GID8: variants seen among roughly 807,000 people sequenced by gnomAD.
GID8 encodes GID complex subunit 8 homolog.
In GID8, 6 loss-of-function variants were observed where a neutral mutation model predicts 27.4. The observed-to-expected ratio is 0.22, with a 90% CI of 0.12 to 0.43. The LOEUF is 0.43. Among genes scored for constraint, GID8 ranks in the 20% least tolerant of loss-of-function variants. The pLI is 1.00. For missense variants in GID8, 173 were observed against 287.6 expected (o/e 0.60, Z 2.88); for synonymous variants, 112 against 109.0 (o/e 1.03, Z -0.17).
At chr20:62,940,104 C>A (rs1334718186) in intron 1 of GID8, among the ~76,000 whole-genome samples, 2 of 151,890 alleles carry the variant, frequency 1.3e-5, no homozygotes, top group Non-Finnish European at 2.9e-5. Flanking sequence ...AAGCACATGT[C>A]ATGTATTTTG....
Position 62,945,049 on chromosome 20 carries a change from T to C in GID8, c.*137T>C. The C allele has an allele frequency of 7.0e-7, 1 of 1,430,648 alleles. No individual in the cohort carries two copies. 88.6% of individuals were successfully genotyped at this position (1,430,648 alleles called of 1,614,324 possible). A position where few individuals can be genotyped will look rare whatever the true frequency, so the allele number is the denominator to read the frequency against. On this transcript the variant is annotated 3_prime_UTR_variant, in exon 5 of 5. Transcript: ENST00000266069. ...GTACTTTTTTTTGACCTGGCATCTTTTTATAGGGAAAAATGGCCTTTGTAG... is the reference window on the plus strand; with the variant it reads ...GTACTTTTTTTTGACCTGGCATCTTCTTATAGGGAAAAATGGCCTTTGTAG...
rs897004297 is a variant in GID8, at chr20:62,944,996, C to A, written c.*84C>A. On this transcript the variant is annotated 3_prime_UTR_variant, in exon 5 of 5. Transcript: ENST00000266069. The stretch of plus-strand genomic sequence containing the variant: ...TCAGCCTGCGACTGCAAGATTCTTA[C>A]TGCAGTAGAGAACTCTTTTTCTCCC... 14 of 1,490,188 alleles carry A rather than the reference C, an allele frequency of 9.4e-6. No homozygotes were observed. The highest frequency in any genetic ancestry group is 7.6e-5 in the Admixed American group (3 of 39,612). The allele number at this position is 1,490,188 out of a possible 1,614,324, so 92.3% of individuals were successfully genotyped here. A position where few individuals can be genotyped will look rare whatever the true frequency, so the allele number is the denominator to read the frequency against.
rs897004297 is a variant in GID8 at position 62,944,996 on chromosome 20, C to T, written c.*84C>T. The T allele has an allele frequency of 6.7e-7, 1 of 1,490,188 alleles. No homozygotes were observed. The highest frequency in any genetic ancestry group is 2.5e-5 in the East Asian group (1 of 40,516). The allele number at this position is 1,490,188 out of a possible 1,614,324, so 92.3% of individuals were successfully genotyped here. ...TCAGCCTGCGACTGCAAGATTCTTACTGCAGTAGAGAACTCTTTTTCTCCC... is the reference window on the plus strand; with the variant it reads ...TCAGCCTGCGACTGCAAGATTCTTATTGCAGTAGAGAACTCTTTTTCTCCC... On this transcript the variant is annotated 3_prime_UTR_variant, in exon 5 of 5. Transcript: ENST00000266069.
At chr20:62,942,945 C>T (rs751237304) in intron 2 of GID8, 42 bp from the exon 3 acceptor site, 3 of 1,495,194 alleles carry the variant, frequency 2.0e-6, no homozygotes, top group Non-Finnish European at 1.9e-6. Flanking sequence ...GCCTTAATTC[C>T]TTGCTAACTT....
At position 62,947,634 on chromosome 20, in the gene GID8, C is replaced by T. The variant is rs2065471912; in HGVS notation, c.*2722C>T. Reference sequence around the variant, plus strand: ...AGGGTTATTGCAAGGCAAATGGGAACTAACACATCTTGCCATTTGAATCAG... The same window carrying T: ...AGGGTTATTGCAAGGCAAATGGGAATTAACACATCTTGCCATTTGAATCAG... On this transcript the variant is annotated 3_prime_UTR_variant, in exon 5 of 5. Coordinates refer to ENST00000266069, the MANE Select transcript of GID8 (RefSeq NM_017896.3). 1 of 152,538 alleles carries T rather than the reference C, an allele frequency of 6.6e-6. No homozygotes were observed. Among genetic ancestry groups the T allele is most frequent in the African/African-American group, 2.4e-5 (1 of 41,452 alleles). The allele number at this position is 152,538 out of a possible 1,614,324, so 9.4% of individuals were successfully genotyped here. A position where few individuals can be genotyped will look rare whatever the true frequency, so the allele number is the denominator to read the frequency against.
rs949410758 is a variant in GID8 at position 62,943,889 on chromosome 20, G to C, written c.513+197G>C. Reference sequence around the variant, plus strand: ...CTTGTTCTGTCGCCCAGGCTGGAGTGCAGTGACGAGATCTCTGCTCACTGC... The same window carrying C: ...CTTGTTCTGTCGCCCAGGCTGGAGTCCAGTGACGAGATCTCTGCTCACTGC... On this transcript the variant is annotated intron_variant, in intron 4 of 4. Transcript: ENST00000266069. The surrounding 1 kb of genome is among the most constrained non-coding windows in gnomAD (Gnocchi z 4.7). Among the ~76,000 whole-genome samples, 1 of 148,128 alleles carries C rather than the reference G, an allele frequency of 6.8e-6. No individual in the cohort carries two copies. The highest frequency in any genetic ancestry group is 1.5e-5 in the Non-Finnish European group (1 of 67,384).
chr20:62,939,046 A>G (rs1026732577), intron 1 of GID8, among the ~76,000 whole-genome samples: 9 of 151,976 alleles, frequency 5.9e-5, no homozygotes, highest in Non-Finnish European at 1.3e-4. Flanking sequence ...TGAGCCCAGG[A>G]GGTCGAGGCT....
At position 62,943,945 on chromosome 20, in the gene GID8, C is replaced by T. The variant is rs552231487; in HGVS notation, c.513+253C>T. Among the ~76,000 whole-genome samples the T allele has an allele frequency of 6.6e-6, 1 of 151,504 alleles. No individual in the cohort carries two copies. Among genetic ancestry groups the T allele is most frequent in the South Asian group, 2.1e-4 (1 of 4,806 alleles). On this transcript the variant is annotated intron_variant, in intron 4 of 4. Coordinates refer to ENST00000266069, the MANE Select transcript of GID8 (RefSeq NM_017896.3). The surrounding 1 kb of genome is among the most constrained non-coding windows in gnomAD (Gnocchi z 4.7). ...CCGCCTCCTGTGTTCAAGCGATTCT[C>T]CTGCCTCTGCCTCCCAAGTAGCTGG...
intron 2 of GID8, among the ~76,000 whole-genome samples, chr20:62,942,710 A>G (rs567899568): frequency 1.6e-4 from 25 of 152,328 alleles, no homozygotes; most frequent in African/African-American, 6.0e-4. Context: ...AGGAGCCCAC[A>G]CCAACACACT....
chr20:62,941,416 A>G (rs2065443171), intron 1 of GID8, 75 bp from the exon 2 acceptor site: 5 of 807,640 alleles, frequency 6.2e-6, no homozygotes, highest in Non-Finnish European at 1.1e-5. Context: ...TCCGGCTCAC[A>G]GCTCTTCCAG....
At chr20:62,944,050 G>A (rs113612639) in intron 4 of GID8, among the ~76,000 whole-genome samples, 4 of 152,098 alleles carry the variant, frequency 2.6e-5, no homozygotes, top group African/African-American at 9.7e-5. Context: ...TGGCCAGGCT[G>A]GTCTTGAACC....
rs937973755 is a variant in GID8, at chr20:62,943,238, T to C, written c.315+55T>C. On this transcript the variant is annotated intron_variant, in intron 3 of 4. Coordinates refer to ENST00000266069, the MANE Select transcript of GID8 (RefSeq NM_017896.3). This position sits in a 1 kb window ranked among gnomAD's most constrained non-coding sequence, Gnocchi z 4.7. ...GTGAATACTTGATAAGTTAAAGTTA[T>C]TTGCAATGATTGAGAAATAACTAGG... 6 of 1,295,404 alleles carry C rather than the reference T, an allele frequency of 4.6e-6. No individual in the cohort carries two copies. The highest frequency in any genetic ancestry group is 4.1e-5 in the Admixed American group (2 of 48,854). The allele number at this position is 1,295,404 out of a possible 1,614,324, so 80.2% of individuals were successfully genotyped here.
rs1397490887 is a variant in GID8 at position 62,946,869 on chromosome 20, T to C, written c.*1957T>C. The C allele has an allele frequency of 1.3e-5, 2 of 152,234 alleles. No homozygotes were observed. Among genetic ancestry groups the C allele is most frequent in the Admixed American group, 6.5e-5 (1 of 15,284 alleles). The allele number at this position is 152,234 out of a possible 1,614,324, so 9.4% of individuals were successfully genotyped here. On this transcript the variant is annotated 3_prime_UTR_variant, in exon 5 of 5. Transcript: ENST00000266069. ...CAACAGCACCAGGTGATTCAGCATA[T>C]TCCTAATTACCTTTCACTATTCGTG...
In GID8 at chr20:62,945,803, G is replaced by A; in HGVS notation, c.*891G>A. 7.8e-7 allele frequency: 1 copy of A among 1,285,958 alleles called. No homozygotes were observed. Among genetic ancestry groups the A allele is most frequent in the South Asian group, 1.2e-5 (1 of 80,676 alleles). 79.7% of individuals were successfully genotyped at this position (1,285,958 alleles called of 1,614,324 possible). A position where few individuals can be genotyped will look rare whatever the true frequency, so the allele number is the denominator to read the frequency against. ...CCTTCATTAGAGCGAGGCAGCCCTT[G>A]GCCGGTGGGGACGCAGAGCCCCAGC... On this transcript the variant is annotated 3_prime_UTR_variant, in exon 5 of 5. Coordinates refer to ENST00000266069, the MANE Select transcript of GID8 (RefSeq NM_017896.3).
chr20:62,938,552 G>T (rs1028062863), intron 1 of GID8: 7 of 152,242 alleles, frequency 4.6e-5, no homozygotes, highest in Non-Finnish European at 1.0e-4. Context: ...GTGGAGGAGC[G>T]ACGTCCGTAA....
rs1345275594 is a variant in GID8, at chr20:62,948,330, G to C, written c.*3418G>C. The C allele has an allele frequency of 6.6e-6, 1 of 152,220 alleles. No individual in the cohort carries two copies. Among genetic ancestry groups the C allele is most frequent in the Non-Finnish European group, 1.5e-5 (1 of 68,048 alleles). The allele number at this position is 152,220 out of a possible 1,614,324, so 9.4% of individuals were successfully genotyped here. A position where few individuals can be genotyped will look rare whatever the true frequency, so the allele number is the denominator to read the frequency against. On this transcript the variant is annotated 3_prime_UTR_variant, in exon 5 of 5. Transcript: ENST00000266069. The stretch of plus-strand genomic sequence containing the variant: ...AGTCCTGTATGAACCATAACCTGCT[G>C]TGGTACCTTTGTACATGTTTGATTC...
chr20:62,942,845 A>G, intron 2 of GID8, 142 bp from the exon 3 acceptor site: 1 of 605,784 alleles, frequency 1.7e-6, no homozygotes, highest in Non-Finnish European at 3.0e-6. Context: ...TAAATTATAA[A>G]GATATTAATA....
At position 62,945,705 on chromosome 20, in the gene GID8, C is replaced by A; in HGVS notation, c.*793C>A. 1 of 1,194,114 alleles carries A rather than the reference C, an allele frequency of 8.4e-7. No homozygotes were observed. Among genetic ancestry groups the A allele is most frequent in the Non-Finnish European group, 1.1e-6 (1 of 940,866 alleles). The allele number at this position is 1,194,114 out of a possible 1,614,324, so 74.0% of individuals were successfully genotyped here. A position where few individuals can be genotyped will look rare whatever the true frequency, so the allele number is the denominator to read the frequency against. The stretch of plus-strand genomic sequence containing the variant: ...TTTTGTCTTTGGGGCGTTCTTCCCC[C>A]TGTGATAGCGGCAGTGGCTTTTTCT... On this transcript the variant is annotated 3_prime_UTR_variant, in exon 5 of 5. Coordinates refer to ENST00000266069, the MANE Select transcript of GID8 (RefSeq NM_017896.3).
chr20:62,938,840 G>C (rs1339386820), intron 1 of GID8: 1 of 152,182 alleles, frequency 6.6e-6, no homozygotes, highest in Non-Finnish European at 1.5e-5. Flanking sequence ...TTTTCCTAGG[G>C]AGCTCTTAAC....
Sources: allele counts gnomAD v4.1 joint callset (sites outside exome capture counted in the v4.1 genomes callset), GRCh38; gene constraint gnomAD v4.1.1; non-coding constraint Gnocchi (gnomAD v3.1); transcripts MANE v1.5; gene names NCBI Gene and HGNC (gene_info 2026-07-23, HGNC 2026-07-21).